MPHOSPH10: variants seen among roughly 807,000 people sequenced by gnomAD.
MPHOSPH10 encodes the protein M-phase phosphoprotein 10.
In MPHOSPH10, 33 loss-of-function variants were observed where a neutral mutation model predicts 77.3. The ratio of observed to expected loss-of-function variants is 0.43; its 90% CI spans 0.32 to 0.57. MPHOSPH10 has a LOEUF of 0.57. Among genes scored for constraint, MPHOSPH10 ranks in the 20% least tolerant of loss-of-function variants. The pLI is 0.07. For missense variants in MPHOSPH10, 708 were observed against 780.1 expected (o/e 0.91, Z 1.10); for synonymous variants, 245 against 268.0 (o/e 0.91, Z 0.84).
intron 8 of MPHOSPH10, among the ~76,000 whole-genome samples, chr2:71,145,496 T>G (rs1324973155): frequency 1.5e-5 from 2 of 137,640 alleles, no homozygotes; most frequent in South Asian, 2.5e-4. Flanking sequence ...GGTTGTTTTT[T>G]TTTGTTTGTT....
At chr2:71,138,719 C>G in intron 5 of MPHOSPH10, 88 bp downstream of exon 5, 1 of 1,554,522 alleles carries the variant, frequency 6.4e-7, no homozygotes, top group Non-Finnish European at 8.8e-7. Flanking sequence ...TTTCTTTTCC[C>G]TCAACTTTTT....
chr2:71,135,154 G>T (rs918434419), intron 4 of MPHOSPH10, among the ~76,000 whole-genome samples: 1 of 151,028 alleles, frequency 6.6e-6, no homozygotes, highest in Non-Finnish European at 1.5e-5. Context: ...CGGCAAGCAA[G>T]ACCTTGTCTT....
chr2:71,131,735 C>T (rs1673384962), intron 1 of MPHOSPH10, among the ~76,000 whole-genome samples: 1 of 152,138 alleles, frequency 6.6e-6, no homozygotes, highest in African/African-American at 2.4e-5. Context: ...GATCATAAGA[C>T]TTATTGTCCA....
intron 4 of MPHOSPH10, among the ~76,000 whole-genome samples, chr2:71,137,600 A>G (rs978116789): frequency 5.4e-5 from 8 of 147,924 alleles, no homozygotes; most frequent in Non-Finnish European, 3.0e-5. Context: ...TGGAGGTTGC[A>G]GTGAGCTGAG....
Position 71,132,913 on chromosome 2 carries a change from G to T in MPHOSPH10, c.105G>T (p.Leu35Phe). The T allele has an allele frequency of 6.2e-7, 1 of 1,607,228 alleles. No homozygotes were observed. The highest frequency in any genetic ancestry group is 8.5e-7 in the Non-Finnish European group (1 of 1,175,482). The stretch of plus-strand genomic sequence containing the variant: ...CTCCCAATAGGATTCAAGAGGGATT[G>T]GCATCAAAGTTCACTTCTTTAACAA... The part of the protein sequence containing the change: ...PECFLTIQEG[L>F]ASKFTSLTKV... Residue 35 changes from leucine (L) to phenylalanine (F), a missense_variant, in exon 2 of 11, where the codon TTG (leucine) becomes TTT (phenylalanine). Around this residue, in one of 3 missense-constraint regions of MPHOSPH10, gnomAD observed 433 missense variants for 432.6 expected, o/e 1.00. Transcript: ENST00000244230.
rs1209777043 is a variant in MPHOSPH10, at chr2:71,133,503, A to C, written c.695A>C (p.Glu232Ala). Residue 232 changes from glutamate (E) to alanine (A), a missense_variant, in exon 2 of 11, where the codon GAA becomes GCA. Physicochemically the swap from Glu to Ala is moderately radical, Grantham distance 107. Transcript: ENST00000244230. The part of the protein sequence containing the change: ...ERKDDNDEEE[E>A]DIDFFEDIDS... The stretch of plus-strand genomic sequence containing the variant: ...AAAGATGATAATGATGAGGAGGAGG[A>C]AGATATTGATTTTTTTGAAGATATT... 6.2e-7 allele frequency: 1 copy of C among 1,612,450 alleles called. No individual in the cohort carries two copies. The highest frequency in any genetic ancestry group is 8.5e-7 in the Non-Finnish European group (1 of 1,179,358).
At chr2:71,140,366 G>A (rs746524541) in intron 6 of MPHOSPH10, among the ~76,000 whole-genome samples, 34 of 152,214 alleles carry the variant, frequency 2.2e-4, no homozygotes, top group Non-Finnish European at 3.7e-4. Flanking sequence ...ATCACATGGT[G>A]AAAGGGCTGA....
rs776704638 is a variant in MPHOSPH10 at position 71,138,503 on chromosome 2, T to A, written c.1112T>A (p.Ile371Asn). 6.3e-7 allele frequency: 1 copy of A among 1,581,680 alleles called. No homozygotes were observed. The highest frequency in any genetic ancestry group is 1.4e-5 in the African/African-American group (1 of 73,038). The stretch of plus-strand genomic sequence containing the variant: ...TCTCTTTCTTAGATGAATGAAAAAA[T>A]TGCATCTTTAGAAAAAGAGTTGTTA... ...EKRQEKMNEK[I>N]ASLEKELLEK... is the part of the protein sequence containing the mutation. The change falls in exon 5 of 11, where the codon ATT (isoleucine) becomes AAT (asparagine). Residue 371 changes from isoleucine to asparagine, a missense_variant. Transcript: ENST00000244230.
chr2:71,137,233 T>C (rs1464271724), intron 4 of MPHOSPH10, among the ~76,000 whole-genome samples: 1 of 152,104 alleles, frequency 6.6e-6, no homozygotes, highest in Non-Finnish European at 1.5e-5. Flanking sequence ...TCATGCATGA[T>C]GCATGCATCA....
intron 7 of MPHOSPH10, among the ~76,000 whole-genome samples, chr2:71,142,021 G>A (rs1057338209): frequency 5.4e-5 from 8 of 148,740 alleles, no homozygotes; most frequent in Admixed American, 4.8e-4. Flanking sequence ...GACAGAGTGA[G>A]ACTCCATCTC....
Position 71,147,988 on chromosome 2 carries a change from C to T in MPHOSPH10, c.1558-11C>T. On this transcript the variant is annotated splice_polypyrimidine_tract_variant and intron_variant, in intron 8 of 10. Transcript: ENST00000244230. ...TCTGGCTTCCCATTGAATGTATTAT[C>T]TCTTTTCTAGCCTGTACCAGAGATT... 2 of 1,607,856 alleles carry T rather than the reference C, an allele frequency of 1.2e-6. No individual in the cohort carries two copies. Among genetic ancestry groups the T allele is most frequent in the Non-Finnish European group, 8.5e-7 (1 of 1,174,350 alleles).
chr2:71,141,059 GTAA>G lies in MPHOSPH10; in HGVS notation c.1309-166_1309-164del, dbSNP rs201548437. On this transcript the variant is annotated intron_variant, in intron 6 of 10. Transcript: ENST00000244230. ...CTATAATTTGCTTACTCTGTAATAA[GTAA>G]TAATAAATATTTATTATAACAATGA... Among the ~76,000 whole-genome samples, 445 of 150,208 alleles carry G rather than the reference GTAA, an allele frequency of 3.0e-3. 4 individuals carry two copies. Among genetic ancestry groups the G allele is most frequent in the African/African-American group, 9.7e-3 (401 of 41,142 alleles).
intron 7 of MPHOSPH10, among the ~76,000 whole-genome samples, chr2:71,142,428 T>C (rs1673630081): frequency 6.6e-6 from 1 of 152,308 alleles, no homozygotes. Flanking sequence ...AATTAAAAAT[T>C]AGATAGGTAA....
At chr2:71,148,278 C>T (rs1021170432) in intron 9 of MPHOSPH10, 172 bp downstream of exon 9, 2 of 564,212 alleles carry the variant, frequency 3.5e-6, no homozygotes, top group Non-Finnish European at 6.3e-6. Context: ...ATACCAGTCT[C>T]CTATATTCTG....
chr2:71,139,110 T>G, intron 5 of MPHOSPH10: 1 of 195,244 alleles, frequency 5.1e-6, no homozygotes, highest in Non-Finnish European at 1.1e-5. Flanking sequence ...CTATATGCTA[T>G]TCAATTGGAT....
chr2:71,140,168 G>C (rs1021941426), intron 6 of MPHOSPH10, among the ~76,000 whole-genome samples: 1 of 152,194 alleles, frequency 6.6e-6, no homozygotes, highest in African/African-American at 2.4e-5. Context: ...AGAACCCTTG[G>C]CTTAGGCACA....
In MPHOSPH10 at chr2:71,133,396, A is replaced by G. The variant is rs780165305; in HGVS notation, c.588A>G (p.Glu196=). 36 of 1,614,174 alleles carry G rather than the reference A, an allele frequency of 2.2e-5. No individual in the cohort carries two copies. Among genetic ancestry groups the G allele is most frequent in the Non-Finnish European group, 3.0e-5 (35 of 1,180,032 alleles). Residue 196 remains glutamate (E), a synonymous_variant, in exon 2 of 11, where the codon GAA becomes GAG. Transcript: ENST00000244230. ...ACAAAGGACAGGGAAAACCAAGAGA[A>G]AAGTCCATAGTAGATGATAAATTCT... ...VQNKGQGKPR[E]KSIVDDKFFK...
At chr2:71,131,460 T>C (rs1242505098) in intron 1 of MPHOSPH10, among the ~76,000 whole-genome samples, 1 of 152,218 alleles carries the variant, frequency 6.6e-6, no homozygotes, top group Non-Finnish European at 1.5e-5. Context: ...TCTACCCACC[T>C]ATACTCTGCC....
intron 3 of MPHOSPH10, among the ~76,000 whole-genome samples, chr2:71,134,402 T>C (rs1456640279): frequency 1.3e-5 from 2 of 152,230 alleles, no homozygotes; most frequent in African/African-American, 4.8e-5. Flanking sequence ...GATTGATGAA[T>C]AATTTATTTT....
Sources: gnomAD v4.1 joint callset for allele counts (sites outside exome capture counted in the v4.1 genomes callset) on GRCh38, gnomAD v4.1.1 for gene constraint, gnomAD v4.1.1 regional missense constraint, MANE v1.5 for transcripts, NCBI Gene and HGNC (gene_info 2026-07-23, HGNC 2026-07-21) for gene names.